The following DCC variants were observed in gnomAD, a reference collection of about 807,000 sequenced individuals.
The protein encoded by DCC is netrin receptor DCC.
In DCC, 58 loss-of-function variants were observed where a neutral mutation model predicts 172.5. The observed-to-expected ratio is 0.34, with a 90% CI of 0.27 to 0.42. The LOEUF (loss-of-function observed/expected upper bound fraction) is 0.42. Ranked by LOEUF, DCC falls within the 10% of genes least tolerant of loss-of-function variation. The pLI is 1.00. For missense variants in DCC, 1,740 were observed against 1,791.0 expected (o/e 0.97, Z 0.51); for synonymous variants, 709 against 644.5 (o/e 1.10, Z -1.52).
intron 12 of DCC, among the ~76,000 whole-genome samples, chr18:53,261,722 A>G (rs1034743209): frequency 1.3e-5 from 2 of 152,076 alleles, no homozygotes; most frequent in Non-Finnish European, 2.9e-5. Context: ...CATGGTCTTG[A>G]TCTCCTGACC....
intron 14 of DCC, among the ~76,000 whole-genome samples, chr18:53,330,341 A>G (rs2057517317): frequency 6.6e-6 from 1 of 151,820 alleles, no homozygotes; most frequent in African/African-American, 2.4e-5. Flanking sequence ...ATCACCCTCA[A>G]CTCCATTTCA....
intron 1 of DCC, among the ~76,000 whole-genome samples, chr18:52,357,129 A>G (rs1361883273): frequency 1.3e-5 from 2 of 152,190 alleles, no homozygotes; most frequent in East Asian, 3.9e-4. Context: ...GACACTTTCC[A>G]AAAGCAGGAC....
intron 18 of DCC, among the ~76,000 whole-genome samples, chr18:53,399,097 C>T (rs1599106916): frequency 6.6e-6 from 1 of 152,072 alleles, no homozygotes; most frequent in African/African-American, 2.4e-5. Context: ...ATAATGAATC[C>T]TTCATTTGGT....
intron 5 of DCC, among the ~76,000 whole-genome samples, chr18:53,010,540 G>T (rs902846852): frequency 6.6e-6 from 1 of 151,184 alleles, no homozygotes; most frequent in Non-Finnish European, 1.5e-5. Flanking sequence ...TGTGTTATTT[G>T]CATACATACT....
At chr18:53,488,753 A>C (rs927503448) in intron 26 of DCC, among the ~76,000 whole-genome samples, 1 of 152,194 alleles carries the variant, frequency 6.6e-6, no homozygotes, top group African/African-American at 2.4e-5. Context: ...TGTGATTTTG[A>C]GAGTGAGTAG....
intron 1 of DCC, among the ~76,000 whole-genome samples, chr18:52,456,510 C>T (rs1653316): frequency 0.79 from 120,014 of 152,122 alleles, 48,213 homozygotes; most frequent in African/African-American, 0.94. Flanking sequence ...CCAAGTTTAT[C>T]ACATATTAAC....
chr18:52,421,881 T>C (rs1987262449), intron 1 of DCC, among the ~76,000 whole-genome samples: 1 of 152,194 alleles, frequency 6.6e-6, no homozygotes. Flanking sequence ...CCTGCACTCC[T>C]TATCCTGCCT....
In DCC at chr18:52,564,073, C is replaced by T. The variant is rs2033100919; in HGVS notation, c.92-187981C>T. ...TTCATCCAGTTCAAATTATGGCACTCTTCTATGTTTCTTGTGACCTGCTTT... is the reference window on the plus strand; with the variant it reads ...TTCATCCAGTTCAAATTATGGCACTTTTCTATGTTTCTTGTGACCTGCTTT... On this transcript the variant is annotated intron_variant, in intron 1 of 28. Coordinates refer to ENST00000442544, the MANE Select transcript of DCC (RefSeq NM_005215.4). Among the ~76,000 whole-genome samples, 4 of 152,132 alleles carry T rather than the reference C, an allele frequency of 2.6e-5. No individual in the cohort carries two copies. The South Asian group carries it at 8.3e-4, about 32-fold the overall frequency.
At chr18:52,547,247 G>A (rs1273352079) in intron 1 of DCC, among the ~76,000 whole-genome samples, 2 of 152,238 alleles carry the variant, frequency 1.3e-5, no homozygotes, top group Non-Finnish European at 2.9e-5. Context: ...TAACCATGTA[G>A]CATTATATTT....
chr18:53,119,539 G>T (rs2043453947), intron 7 of DCC, among the ~76,000 whole-genome samples: 1 of 151,824 alleles, frequency 6.6e-6, no homozygotes, highest in Non-Finnish European at 1.5e-5. Flanking sequence ...AAATGGCACA[G>T]ATTTTAACTG....
At chr18:52,911,699 C>A (rs1259138417) in intron 3 of DCC, among the ~76,000 whole-genome samples, 1 of 150,072 alleles carries the variant, frequency 6.7e-6, no homozygotes. Context: ...TAGGTTAATG[C>A]ATTACCTGAT....
intron 7 of DCC, among the ~76,000 whole-genome samples, chr18:53,081,481 T>C (rs1256709550): frequency 6.6e-6 from 1 of 151,944 alleles, no homozygotes; most frequent in Non-Finnish European, 1.5e-5. Flanking sequence ...CTATTGGGTA[T>C]CAGTGATAAT....
rs146167613 is a variant in DCC, at chr18:53,138,705, G to A, written c.1262-18651G>A. 3.4e-3 allele frequency among the ~76,000 whole-genome samples: 517 copies of A among 152,240 alleles called. 1 individual carries two copies. Among genetic ancestry groups the A allele is most frequent in the African/African-American group, 5.1e-3 (213 of 41,540 alleles). On this transcript the variant is annotated intron_variant, in intron 7 of 28. Transcript: ENST00000442544. ...ACTGAAGAGAATTTACAATTTTGTCGTTGAATTGGTGAATATTTCAAACAA... is the reference window on the plus strand; with the variant it reads ...ACTGAAGAGAATTTACAATTTTGTCATTGAATTGGTGAATATTTCAAACAA...
intron 1 of DCC, among the ~76,000 whole-genome samples, chr18:52,448,833 T>C (rs1411101804): frequency 6.6e-6 from 1 of 152,230 alleles, no homozygotes; most frequent in Non-Finnish European, 1.5e-5. Context: ...CCCTAATGGC[T>C]TGCCAAATGT....
chr18:52,732,780 A>G (rs992399977), intron 1 of DCC, among the ~76,000 whole-genome samples: 3 of 152,154 alleles, frequency 2.0e-5, no homozygotes, highest in Admixed American at 6.6e-5. Context: ...AATCAACATA[A>G]CAATAATCAG....
chr18:52,935,572 C>G (rs577837758), intron 5 of DCC, among the ~76,000 whole-genome samples: 59 of 151,956 alleles, frequency 3.9e-4, no homozygotes, highest in African/African-American at 1.3e-3. Context: ...TTTGCATAGG[C>G]TTTAATTTTA....
intron 5 of DCC, among the ~76,000 whole-genome samples, chr18:52,927,126 C>CGTATATACGTGTATATACGTGTATATAT (rs1568192102): frequency 1.3e-5 from 1 of 76,534 alleles, no homozygotes; most frequent in Admixed American, 1.1e-4. Context: ...CGTGTATATA[C>CGTATATACGTGTATATACGTGTATATAT]ACGTATATAC....
intron 2 of DCC, among the ~76,000 whole-genome samples, chr18:52,783,361 T>TTTTTTTTTTTTA (rs2037591293): frequency 9.3e-6 from 1 of 107,904 alleles, no homozygotes; most frequent in Admixed American, 1.1e-4. Context: ...TTTTTTTTTT[T>TTTTTTTTTTTTA]ACAACACAAA....
chr18:52,387,413 G>C (rs1178533598), intron 1 of DCC, among the ~76,000 whole-genome samples: 1 of 152,120 alleles, frequency 6.6e-6, no homozygotes, highest in Admixed American at 6.5e-5. Context: ...CAGGGCACAA[G>C]AATGGTATAT....
Sources: gnomAD v4.1 joint callset for allele counts (sites outside exome capture counted in the v4.1 genomes callset) on GRCh38, gnomAD v4.1.1 for gene constraint, MANE v1.5 for transcripts, NCBI Gene and HGNC (gene_info 2026-07-23, HGNC 2026-07-21) for gene names.